The following THAP9 variants were observed in gnomAD, a reference collection of about 807,000 sequenced individuals.
The protein encoded by THAP9 is DNA transposase THAP9.
Under a neutral mutation model 35.7 loss-of-function variants are expected in THAP9, and 20 were observed. That is an observed-to-expected ratio of 0.56 (90% CI 0.39 to 0.81). The LOEUF is 0.81. THAP9 is among the 40% of genes least tolerant of loss of function. The pLI is 0.00. For synonymous variants in THAP9, 335 were observed against 373.7 expected (o/e 0.90, Z 1.19); for missense variants, 870 against 1,047.4 (o/e 0.83, Z 2.34).
intron 4 of THAP9, chr4:82,910,353 G>C (rs1205412896): frequency 2.0e-5 from 3 of 152,692 alleles, no homozygotes; most frequent in Admixed American, 1.3e-4. Flanking sequence ...ATAAATACCA[G>C]AAAGTGAAAA....
In THAP9 at chr4:82,916,893, T is replaced by C. The variant is rs775815298; in HGVS notation, c.732-51T>C. On this transcript the variant is annotated intron_variant, in intron 4 of 4. Transcript: ENST00000302236. ...TAATAGTGCTTAAGGCATTTTCCCATTTGTCTTTTTATTTCTCTTTGAGTG... is the reference window on the plus strand; with the variant it reads ...TAATAGTGCTTAAGGCATTTTCCCACTTGTCTTTTTATTTCTCTTTGAGTG... 4.8e-6 allele frequency: 7 copies of C among 1,445,076 alleles called. No individual in the cohort carries two copies. The African/African-American group carries it at 8.5e-5, about 18-fold the overall frequency. The allele number at this position is 1,445,076 out of a possible 1,614,324, so 89.5% of individuals were successfully genotyped here.
At chr4:82,915,097 G>A (rs1720993670) in intron 4 of THAP9, among the ~76,000 whole-genome samples, 1 of 152,120 alleles carries the variant, frequency 6.6e-6, no homozygotes, top group Non-Finnish European at 1.5e-5. Flanking sequence ...CAGCTTTGTC[G>A]AAGATCAGAT....
In THAP9 at chr4:82,918,083, T is replaced by G; in HGVS notation, c.1871T>G (p.Val624Gly). 1 of 1,614,126 alleles carries G rather than the reference T, an allele frequency of 6.2e-7. No homozygotes were observed. Among genetic ancestry groups the G allele is most frequent in the Non-Finnish European group, 8.5e-7 (1 of 1,179,974 alleles). The part of the protein sequence containing the change: ...LFLKMLRQVL[V>G]TSSSPTCMAF... ...CTAAAGATGCTTAGGCAGGTATTAG[T>G]AACAAGTTCTAGCCCTACCTGCATG... Residue 624 changes from valine to glycine, a missense_variant, in exon 5 of 5, where the codon GTA becomes GGA. By Grantham distance (109) the Val-to-Gly change is moderately radical (BLOSUM62 -3). Transcript: ENST00000302236.
chr4:82,916,377 A>G (rs1280979557), intron 4 of THAP9, among the ~76,000 whole-genome samples: 3 of 152,210 alleles, frequency 2.0e-5, no homozygotes, highest in African/African-American at 7.2e-5. Flanking sequence ...AGGGGTGCAG[A>G]TGCACACTTG....
In THAP9 at chr4:82,917,818, T is replaced by C. The variant is rs771812754; in HGVS notation, c.1606T>C (p.Leu536=). ...TGGAAAGGGACTTAAAGGGCCTCTG[T>C]TGCCTGAAACTTACAGTAAAATAAA... The part of the protein sequence containing the change: ...CYGKGLKGPL[L]PETYSKINHV... The change falls in exon 5 of 5, where the codon TTG becomes CTG. Residue 536 remains leucine (L), a synonymous_variant. Coordinates refer to ENST00000302236, the MANE Select transcript of THAP9 (RefSeq NM_024672.6). 6 of 1,613,674 alleles carry C rather than the reference T, an allele frequency of 3.7e-6. No individual in the cohort carries two copies. The African/African-American group carries it at 8.0e-5, about 22-fold the overall frequency.
intron 4 of THAP9, chr4:82,913,554 G>A (rs992861725): frequency 6.6e-6 from 1 of 150,794 alleles, no homozygotes; most frequent in African/African-American, 2.4e-5. Context: ...TTGTCTTACT[G>A]TTTTTTCCTT....
At chr4:82,912,969 A>G (rs1720915128) in intron 4 of THAP9, among the ~76,000 whole-genome samples, 1 of 152,240 alleles carries the variant, frequency 6.6e-6, no homozygotes, top group African/African-American at 2.4e-5. Flanking sequence ...GATTCAGTAT[A>G]CAATTTTGAA....
intron 1 of THAP9, 54 bp downstream of exon 1, chr4:82,900,936 C>T: frequency 6.2e-7 from 1 of 1,601,004 alleles, no homozygotes; most frequent in Non-Finnish European, 8.5e-7. Flanking sequence ...GCCCGGCGGG[C>T]CGTGGCGTGG....
At chr4:82,911,305 G>GT (rs201814372) in intron 4 of THAP9, among the ~76,000 whole-genome samples, 1 of 151,614 alleles carries the variant, frequency 6.6e-6, no homozygotes. Flanking sequence ...AAAAGATGGG[G>GT]TCTCGGCTGG....
At chr4:82,908,841 C>A (rs1464207873) in intron 4 of THAP9, among the ~76,000 whole-genome samples, 1 of 152,078 alleles carries the variant, frequency 6.6e-6, no homozygotes, top group Non-Finnish European at 1.5e-5. Flanking sequence ...AGTGATCTAC[C>A]CGCCTTGGCC....
Position 82,917,109 on chromosome 4 carries a change from G to T in THAP9, c.897G>T (p.Leu299Phe), listed in dbSNP as rs897945. The T allele has an allele frequency of 0.52, 841,747 of 1,612,860 alleles. 231,111 individuals carry two copies. The highest frequency in any genetic ancestry group is 0.67 in the Admixed American group (39,898 of 59,768). Residue 299 changes from leucine to phenylalanine, a missense_variant, in exon 5 of 5, where the codon TTG (leucine) becomes TTT (phenylalanine). Physicochemically the swap from Leu to Phe is conservative, Grantham distance 22. Transcript: ENST00000302236. Reference sequence around the variant, plus strand: ...AGTGGGATCCTAGCAGTCACAGTTTGCAGGGGTTTATGGACTTTGGTCTTG... The same window carrying T: ...AGTGGGATCCTAGCAGTCACAGTTTTCAGGGGTTTATGGACTTTGGTCTTG... ...QLQWDPSSHS[L>F]QGFMDFGLGK... is the part of the protein sequence containing the mutation.
chr4:82,918,245 A>G lies in THAP9; in HGVS notation c.2033A>G (p.Tyr678Cys). The change falls in exon 5 of 5, where the codon TAT (tyrosine) becomes TGT (cysteine). Residue 678 changes from tyrosine (Y) to cysteine (C), a missense_variant. This residue lies in a region of THAP9 where 414 missense variants were observed against 500.8 expected (regional missense o/e 0.83). Transcript: ENST00000302236. Reference protein sequence around the residue: ...DLALWTVQRQYGVSVTKTVFH... With the variant: ...DLALWTVQRQCGVSVTKTVFH... ...GCGCTTTGGACAGTTCAACGTCAGTATGGTGTCAGCGTTACAAAGACTGTC... is the reference window on the plus strand; with the variant it reads ...GCGCTTTGGACAGTTCAACGTCAGTGTGGTGTCAGCGTTACAAAGACTGTC... 3 of 1,614,196 alleles carry G rather than the reference A, an allele frequency of 1.9e-6. No homozygotes were observed. Among genetic ancestry groups the G allele is most frequent in the Non-Finnish European group, 1.7e-6 (2 of 1,180,006 alleles).
chr4:82,909,181 A>G (rs1473778097), intron 4 of THAP9, among the ~76,000 whole-genome samples: 2 of 152,184 alleles, frequency 1.3e-5, no homozygotes, highest in East Asian at 3.8e-4. Context: ...CTGGGATTAC[A>G]GACATGAGCC....
chr4:82,903,026 A>G (rs1169639969), intron 1 of THAP9, among the ~76,000 whole-genome samples: 1 of 152,246 alleles, frequency 6.6e-6, no homozygotes, highest in Non-Finnish European at 1.5e-5. Flanking sequence ...ATGTTTTACC[A>G]TGCTGCTATA....
Position 82,905,304 on chromosome 4 carries a change from T to C in THAP9, c.276+373T>C, listed in dbSNP as rs3811839. Among the ~76,000 whole-genome samples, 8 of 152,302 alleles carry C rather than the reference T, an allele frequency of 5.3e-5. No individual in the cohort carries two copies. In the East Asian group the frequency reaches 1.5e-3, roughly 29 times the overall value. On this transcript the variant is annotated intron_variant, in intron 2 of 4. Coordinates refer to ENST00000302236, the MANE Select transcript of THAP9 (RefSeq NM_024672.6). The stretch of plus-strand genomic sequence containing the variant: ...CTCCTAATAATGTTATTTATCTTGA[T>C]CAAAAATATACCTAATTATTAACAT...
intron 1 of THAP9, among the ~76,000 whole-genome samples, chr4:82,902,174 T>C (rs1000920858): frequency 7.3e-6 from 1 of 137,448 alleles, no homozygotes; most frequent in South Asian, 2.4e-4. Context: ...AGTGGCACTA[T>C]CACAGCTCAG....
rs1258410428 is a variant in THAP9 at position 82,919,898 on chromosome 4, A to G, written c.*974A>G. On this transcript the variant is annotated 3_prime_UTR_variant, in exon 5 of 5. Transcript: ENST00000302236. ...TTCCCAAAGTACAGTTAATCCTAATATGAAAACTTAGAATTGTAAAAGATT... is the reference window on the plus strand; with the variant it reads ...TTCCCAAAGTACAGTTAATCCTAATGTGAAAACTTAGAATTGTAAAAGATT... The G allele has an allele frequency of 6.6e-6, 1 of 152,226 alleles. No individual in the cohort carries two copies. Among genetic ancestry groups the G allele is most frequent in the Non-Finnish European group, 1.5e-5 (1 of 68,030 alleles). The allele number at this position is 152,226 out of a possible 1,614,324, so 9.4% of individuals were successfully genotyped here. A position where few individuals can be genotyped will look rare whatever the true frequency, so the allele number is the denominator to read the frequency against.
rs1000943217 is a variant in THAP9, at chr4:82,905,075, T to TA, written c.276+154dup. The stretch of plus-strand genomic sequence containing the variant: ...ATAGATTTTAAATGCTTTGAAAATT[T>TA]AAAAAAAAAATTATATATATTAGCA... On this transcript the variant is annotated intron_variant, in intron 2 of 4. Transcript: ENST00000302236. 888 of 617,270 alleles carry TA rather than the reference T, an allele frequency of 1.4e-3. 2 individuals are homozygous for TA. Among genetic ancestry groups the TA allele is most frequent in the Admixed American group, 3.8e-3 (114 of 30,166 alleles). The allele number at this position is 617,270 out of a possible 1,614,324, so 38.2% of individuals were successfully genotyped here.
In THAP9 at chr4:82,917,029, C is replaced by A. The variant is rs564924897; in HGVS notation, c.817C>A (p.Leu273Ile). The A allele has an allele frequency of 6.2e-7, 1 of 1,602,080 alleles. No individual in the cohort carries two copies. The highest frequency in any genetic ancestry group is 8.5e-7 in the Non-Finnish European group (1 of 1,175,460). Residue 273 changes from leucine to isoleucine, a missense_variant, in exon 5 of 5, where the codon CTC becomes ATC. By Grantham distance (5) the Leu-to-Ile change is conservative. This residue lies in a region of THAP9 where 440 missense variants were observed against 501.2 expected (regional missense o/e 0.88). Transcript: ENST00000302236. Reference protein sequence around the residue: ...LQRRVENGDQLYQYCSLLIKS... With the variant: ...LQRRVENGDQIYQYCSLLIKS... ...ACGAAGAGTAGAGAATGGAGATCAG[C>A]TCTATCAATACTGTTCATTGTTAAT...
Sources: allele counts gnomAD v4.1 joint callset (sites outside exome capture counted in the v4.1 genomes callset), GRCh38; gene constraint gnomAD v4.1.1; regional missense constraint gnomAD v4.1.1; transcripts MANE v1.5; gene names NCBI Gene and HGNC (gene_info 2026-07-23, HGNC 2026-07-21).